Variants in STAU1 observed in about 807,000 individuals in gnomAD.
The protein encoded by STAU1 is double-stranded RNA-binding protein Staufen homolog 1.
In STAU1, 13 loss-of-function variants were observed where a neutral mutation model predicts 62.9. The observed-to-expected ratio is 0.21, with a 90% CI of 0.13 to 0.33. The LOEUF (loss-of-function observed/expected upper bound fraction) is 0.33, where lower values mean the gene tolerates loss of function less well. Ranked by LOEUF, STAU1 falls within the 10% of genes least tolerant of loss-of-function variation. STAU1 has a pLI of 1.00. For synonymous variants in STAU1, 269 were observed against 265.1 expected, an observed-to-expected ratio of 1.01 and a Z score of -0.14; for missense variants, 571 against 712.1, an observed-to-expected ratio of 0.80 and a Z score of 2.25.
chr20:49,163,154 T>C (rs2093474767), intron 3 of STAU1, among the ~76,000 whole-genome samples: 1 of 150,934 alleles, frequency 6.6e-6, no homozygotes, highest in Non-Finnish European at 1.5e-5. Context: ...ATTGTGCCAC[T>C]GCACTCTAGC....
At chr20:49,135,777 T>C (rs2092867793) in intron 6 of STAU1, 56 bp downstream of exon 6, 2 of 1,331,812 alleles carry the variant, frequency 1.5e-6, no homozygotes, top group Non-Finnish European at 2.1e-6. Context: ...ATAACTCTTA[T>C]GATGAATGCT....
intron 5 of STAU1, among the ~76,000 whole-genome samples, chr20:49,144,318 G>GGC (rs2093074959): frequency 1.3e-5 from 2 of 151,932 alleles, no homozygotes; most frequent in Non-Finnish European, 2.9e-5. Flanking sequence ...AACAGGATGG[G>GGC]AGAGGTTCTT....
chr20:49,182,452 T>TA (rs1490317121), intron 1 of STAU1, among the ~76,000 whole-genome samples: 1 of 152,256 alleles, frequency 6.6e-6, no homozygotes, highest in African/African-American at 2.4e-5. Flanking sequence ...TATATATTTA[T>TA]AATCCTATTA....
intron 6 of STAU1, among the ~76,000 whole-genome samples, chr20:49,131,490 C>A (rs1040154371): frequency 2.0e-5 from 3 of 152,112 alleles, no homozygotes; most frequent in Admixed American, 2.0e-4. Flanking sequence ...ATATCTACCA[C>A]TTTCTGTCAA....
chr20:49,174,894 A>G (rs1296766964), intron 1 of STAU1, among the ~76,000 whole-genome samples: 28 of 147,728 alleles, frequency 1.9e-4, no homozygotes, highest in Non-Finnish European at 3.7e-4. Context: ...AGATCGCACC[A>G]CTGCACTCCA....
chr20:49,179,839 C>A (rs1485758136), intron 1 of STAU1, among the ~76,000 whole-genome samples: 1 of 152,212 alleles, frequency 6.6e-6, no homozygotes, highest in African/African-American at 2.4e-5. Context: ...CTGCTCACTT[C>A]ATGCCAAGGG....
chr20:49,179,284 T>C (rs947710582), intron 1 of STAU1: 2 of 151,774 alleles, frequency 1.3e-5, no homozygotes, highest in Non-Finnish European at 2.9e-5. Context: ...TAGCAAATTA[T>C]AGAAAGTCCC....
chr20:49,165,499 C>G (rs2093512020), intron 3 of STAU1, among the ~76,000 whole-genome samples: 1 of 151,898 alleles, frequency 6.6e-6, no homozygotes, highest in Non-Finnish European at 1.5e-5. Context: ...CCAAGCCCAG[C>G]TAGTTTGTGT....
At chr20:49,184,469 G>C (rs2093763717) in intron 1 of STAU1, among the ~76,000 whole-genome samples, 1 of 152,222 alleles carries the variant, frequency 6.6e-6, no homozygotes, top group South Asian at 2.1e-4. Flanking sequence ...TGGGATGTGG[G>C]AGGAAATCAA....
intron 1 of STAU1, among the ~76,000 whole-genome samples, chr20:49,176,741 T>C (rs1483806027): frequency 1.3e-5 from 2 of 152,202 alleles, no homozygotes; most frequent in East Asian, 1.9e-4. Flanking sequence ...AAAAGGCCTC[T>C]GAGCAGCCCA....
At chr20:49,129,630 CTTTTTTTTTTTTTT>C (rs558925613) in intron 6 of STAU1, among the ~76,000 whole-genome samples, 1 of 96,656 alleles carries the variant, frequency 1.0e-5, no homozygotes, top group African/African-American at 4.4e-5. Flanking sequence ...AGTTTGGCAA[CTTTTTTTTTTTTTT>C]TTTTTTTTTT....
Position 49,120,078 on chromosome 20 carries a change from CA to C in STAU1, c.1016del (p.Val339GlyfsTer36). ...TAEGTGTNKK[V>X]AKRNAAENML... ...TGTTCTCGGCTGCATTGCGCTTGGC[CA>C]CCTTCTTGTTGGTGCCCGTTCCTTC... On this transcript the variant is annotated frameshift_variant, in exon 9 of 14. Coordinates refer to ENST00000371856, the MANE Select transcript of STAU1 (RefSeq NM_017453.4). LOFTEE classifies it high-confidence loss of function. 1 of 1,614,216 alleles carries C rather than the reference CA, an allele frequency of 6.2e-7. No individual in the cohort carries two copies. Among genetic ancestry groups the C allele is most frequent in the Non-Finnish European group, 8.5e-7 (1 of 1,180,032 alleles).
At chr20:49,127,006 CAA>C (rs1403415190) in intron 6 of STAU1, among the ~76,000 whole-genome samples, 1 of 152,062 alleles carries the variant, frequency 6.6e-6, no homozygotes, top group Non-Finnish European at 1.5e-5. Context: ...GTAAGGCTGG[CAA>C]AGAGTTGAAC....
intron 3 of STAU1, among the ~76,000 whole-genome samples, chr20:49,164,451 A>C (rs1212368220): frequency 7.2e-6 from 1 of 138,278 alleles, no homozygotes; most frequent in East Asian, 2.2e-4. Context: ...CAGCTCAGCC[A>C]ATTTTTGTAT....
At chr20:49,171,650 T>C (rs930558171) in intron 2 of STAU1, among the ~76,000 whole-genome samples, 4 of 152,104 alleles carry the variant, frequency 2.6e-5, no homozygotes, top group Non-Finnish European at 4.4e-5. Flanking sequence ...GGTTGAATGT[T>C]TTCTGAAAGT....
At chr20:49,149,803 G>A (rs562781471) in intron 5 of STAU1, among the ~76,000 whole-genome samples, 4 of 152,234 alleles carry the variant, frequency 2.6e-5, no homozygotes, top group African/African-American at 4.8e-5. Context: ...AAAACAAATC[G>A]CTCCTGTGCG....
intron 5 of STAU1, among the ~76,000 whole-genome samples, chr20:49,138,616 C>A (rs1042258309): frequency 6.6e-6 from 1 of 152,104 alleles, no homozygotes; most frequent in Non-Finnish European, 1.5e-5. Flanking sequence ...ATATTCCCAT[C>A]TCACCCTCCT....
At position 49,166,205 on chromosome 20, in the gene STAU1, C is replaced by A; in HGVS notation, c.-4G>T. ...CTTGCACTTGAACTTGAGACATGGT[C>A]ACTTTCAACAAAAGTGAACAAATGC... On this transcript the variant is annotated 5_prime_UTR_variant, in exon 3 of 14. Transcript: ENST00000371856. 2 of 1,613,944 alleles carry A rather than the reference C, an allele frequency of 1.2e-6. No homozygotes were observed. Among genetic ancestry groups the A allele is most frequent in the South Asian group, 2.2e-5 (2 of 91,006 alleles).
chr20:49,190,343 G>T (rs1426061403), upstream of STAU1, among the ~76,000 whole-genome samples: 1 of 152,072 alleles, frequency 6.6e-6, no homozygotes, highest in Non-Finnish European at 1.5e-5. Context: ...GAGTGCAGTG[G>T]CATGAGCACA....
Sources: gnomAD v4.1 joint callset for allele counts (sites outside exome capture counted in the v4.1 genomes callset) on GRCh38, gnomAD v4.1.1 for gene constraint, MANE v1.5 for transcripts, NCBI Gene and HGNC (gene_info 2026-07-23, HGNC 2026-07-21) for gene names.